The following CA10 variants were observed in gnomAD, a reference collection of about 807,000 sequenced individuals.
CA10 encodes the protein carbonic anhydrase 10 (inactive).
In CA10, 14 loss-of-function variants were observed where a neutral mutation model predicts 44.2. The ratio of observed to expected loss-of-function variants is 0.32; its 90% confidence interval spans 0.21 to 0.50. The LOEUF is 0.50. Ranked by LOEUF, CA10 falls within the 20% of genes least tolerant of loss-of-function variation. The probability of loss-of-function intolerance (pLI) is 0.99; values close to 1 mark genes in which losing one functional copy is unlikely to be tolerated. For synonymous variants in CA10, 159 were observed against 141.6 expected (o/e 1.12, Z -0.87); for missense variants, 350 against 409.7 (o/e 0.85, Z 1.26).
At chr17:51,836,109 T>A (rs1002015131) in intron 3 of CA10, among the ~76,000 whole-genome samples, 1 of 152,216 alleles carries the variant, frequency 6.6e-6, no homozygotes, top group Non-Finnish European at 1.5e-5. Context: ...TCAATATACC[T>A]GTCAGTGCAG....
chr17:52,108,567 G>A (rs1988719988), intron 1 of CA10, among the ~76,000 whole-genome samples: 1 of 151,902 alleles, frequency 6.6e-6, no homozygotes, highest in South Asian at 2.1e-4. Context: ...GGGCGTGGTG[G>A]TGTGTGCCTG....
chr17:51,735,761 T>C (rs2143574114), intron 4 of CA10, among the ~76,000 whole-genome samples: 1 of 152,166 alleles, frequency 6.6e-6, no homozygotes, highest in Non-Finnish European at 1.5e-5. Context: ...TCTATATACC[T>C]GTTAAACTTC....
chr17:51,902,864 G>C (rs1188588589), intron 3 of CA10, among the ~76,000 whole-genome samples: 1 of 152,122 alleles, frequency 6.6e-6, no homozygotes, highest in East Asian at 1.9e-4. Context: ...GCTTATAGTG[G>C]GGAAGCAGTT....
intron 4 of CA10, among the ~76,000 whole-genome samples, chr17:51,729,370 T>TGCAC (rs1197224236): frequency 6.6e-6 from 1 of 151,588 alleles, no homozygotes; most frequent in Non-Finnish European, 1.5e-5. Flanking sequence ...CACACACACA[T>TGCAC]GCACACACAC....
At chr17:52,117,270 A>G (rs1988917914) in intron 1 of CA10, among the ~76,000 whole-genome samples, 1 of 152,198 alleles carries the variant, frequency 6.6e-6, no homozygotes. Context: ...AAAAGACACC[A>G]CGGATTCCAT....
chr17:51,726,660 T>C (rs1916533090), intron 4 of CA10, among the ~76,000 whole-genome samples: 1 of 152,220 alleles, frequency 6.6e-6, no homozygotes, highest in African/African-American at 2.4e-5. Context: ...GTTACTTAAC[T>C]CTCCAATGGA....
At chr17:52,000,224 G>A (rs981987731) in intron 2 of CA10, among the ~76,000 whole-genome samples, 8 of 152,050 alleles carry the variant, frequency 5.3e-5, no homozygotes, top group African/African-American at 1.9e-4. Context: ...CAAGCCCTGG[G>A]CCACTGATGT....
chr17:52,088,057 A>G (rs1988165466), intron 1 of CA10, among the ~76,000 whole-genome samples: 1 of 152,198 alleles, frequency 6.6e-6, no homozygotes, highest in Admixed American at 6.5e-5. Context: ...AGGGAACAAC[A>G]TGCACTGGGG....
chr17:51,657,739 T>A (rs1450325923), intron 4 of CA10, among the ~76,000 whole-genome samples: 1 of 152,214 alleles, frequency 6.6e-6, no homozygotes, highest in Non-Finnish European at 1.5e-5. Flanking sequence ...TTATGCAGAG[T>A]AATCACAGTG....
chr17:52,015,079 A>G (rs1985925850), intron 2 of CA10, among the ~76,000 whole-genome samples: 1 of 152,124 alleles, frequency 6.6e-6, no homozygotes, highest in South Asian at 2.1e-4. Flanking sequence ...ACATGTATGT[A>G]CCAAGAGTAA....
chr17:51,798,373 A>C (rs1906796616), intron 3 of CA10, among the ~76,000 whole-genome samples: 1 of 152,256 alleles, frequency 6.6e-6, no homozygotes, highest in South Asian at 2.1e-4. Context: ...CAGGCAAGAA[A>C]TTCTGTAACT....
chr17:52,111,982 G>A (rs1024853269), intron 1 of CA10, among the ~76,000 whole-genome samples: 14 of 152,036 alleles, frequency 9.2e-5, no homozygotes, highest in African/African-American at 3.4e-4. Context: ...AGCCTTAATT[G>A]TGAGTGGCCA....
intron 4 of CA10, among the ~76,000 whole-genome samples, chr17:51,726,060 C>T (rs1435307112): frequency 2.0e-5 from 3 of 152,140 alleles, no homozygotes; most frequent in Non-Finnish European, 4.4e-5. Flanking sequence ...TAAACTGAAT[C>T]TTGAAAGAGA....
intron 3 of CA10, among the ~76,000 whole-genome samples, chr17:51,783,721 A>C (rs1416625264): frequency 6.6e-6 from 1 of 152,216 alleles, no homozygotes; most frequent in South Asian, 2.1e-4. Flanking sequence ...TCCTTGGATA[A>C]ATGAGAATTT....
At chr17:51,789,645 G>A (rs1260947232) in intron 3 of CA10, among the ~76,000 whole-genome samples, 1 of 152,104 alleles carries the variant, frequency 6.6e-6, no homozygotes, top group African/African-American at 2.4e-5. Flanking sequence ...CACTCCACCT[G>A]ACTAACATAT....
At chr17:51,706,004 A>C (rs1195714067) in intron 4 of CA10, among the ~76,000 whole-genome samples, 1 of 152,198 alleles carries the variant, frequency 6.6e-6, no homozygotes, top group East Asian at 1.9e-4. Flanking sequence ...TTGAGTAGGA[A>C]TCTGTGTAGC....
At chr17:52,039,003 T>C (rs560086613) in intron 2 of CA10, among the ~76,000 whole-genome samples, 2 of 152,264 alleles carry the variant, frequency 1.3e-5, no homozygotes, top group East Asian at 3.9e-4. Flanking sequence ...ACCTGTAAAG[T>C]GAGAGAACGG....
chr17:52,072,564 A>G (rs1362004935), intron 1 of CA10, among the ~76,000 whole-genome samples, 171 bp from the exon 2 acceptor site: 1 of 149,828 alleles, frequency 6.7e-6, no homozygotes, highest in African/African-American at 2.5e-5. Flanking sequence ...TAGATCATTG[A>G]TCGGTAAATA....
chr17:51,902,056 T>C (rs893952044), intron 3 of CA10, among the ~76,000 whole-genome samples: 1 of 152,214 alleles, frequency 6.6e-6, no homozygotes, highest in South Asian at 2.1e-4. Context: ...TTTCCTTTCA[T>C]CTTTTCTGTC....
Sources: gnomAD v4.1 joint callset for allele counts (sites outside exome capture counted in the v4.1 genomes callset) on GRCh38, gnomAD v4.1.1 for gene constraint, MANE v1.5 for transcripts, NCBI Gene and HGNC (gene_info 2026-07-23, HGNC 2026-07-21) for gene names.